The following FHIT variants were observed in gnomAD, a reference collection of about 807,000 sequenced individuals.
FHIT encodes the protein bis(5'-adenosyl)-triphosphatase.
FHIT carries 19 observed loss-of-function variants against 17.9 expected under a neutral mutation model. That is an observed-to-expected ratio of 1.06 (90% confidence interval 0.74 to 1.56). FHIT has a LOEUF of 1.56. Among genes scored for constraint, FHIT ranks in the 40% most tolerant of loss-of-function variants. The probability of loss-of-function intolerance (pLI) is 0.00; values close to 1 mark genes in which losing one functional copy is unlikely to be tolerated. For missense variants in FHIT, 248 were observed against 189.2 expected (o/e 1.31, Z -1.82); for synonymous variants, 81 against 69.7 (o/e 1.16, Z -0.81).
chr3:60,880,698 T>C (rs1839066), intron 3 of FHIT, among the ~76,000 whole-genome samples: 148,617 of 152,326 alleles, frequency 0.98, 72,604 homozygotes, highest in East Asian at 1. Flanking sequence ...TGCCATTGCA[T>C]TCCAGCCTGG....
intron 8 of FHIT, among the ~76,000 whole-genome samples, chr3:59,826,800 C>G (rs904649885): frequency 1.4e-4 from 21 of 152,246 alleles, no homozygotes; most frequent in African/African-American, 5.1e-4. Flanking sequence ...TTCCAAATTC[C>G]TCATATGGCT....
intron 4 of FHIT, among the ~76,000 whole-genome samples, chr3:60,661,375 C>T (rs782006295): frequency 6.6e-6 from 1 of 152,116 alleles, no homozygotes; most frequent in Non-Finnish European, 1.5e-5. Flanking sequence ...CTGTGAATAT[C>T]ATTATTTCAT....
At chr3:60,451,768 C>T (rs2031762254) in intron 5 of FHIT, among the ~76,000 whole-genome samples, 1 of 152,096 alleles carries the variant, frequency 6.6e-6, no homozygotes, top group African/African-American at 2.4e-5. Context: ...CCAAACTGAG[C>T]ATGACCCCAT....
intron 5 of FHIT, among the ~76,000 whole-genome samples, chr3:60,482,363 A>G (rs781771027): frequency 6.6e-6 from 1 of 152,152 alleles, no homozygotes; most frequent in Non-Finnish European, 1.5e-5. Flanking sequence ...CCCTACCCCA[A>G]CGCAACAGAA....
intron 8 of FHIT, among the ~76,000 whole-genome samples, chr3:59,908,853 T>TTTTTTTTTTTTTTTTTTTTGAGACGG (rs1271629999): frequency 6.0e-5 from 9 of 150,708 alleles, no homozygotes; most frequent in African/African-American, 9.7e-5. Flanking sequence ...CATTTTTTAA[T>TTTTTTTTTTTTTTTTTTTTGAGACGG]AGTCCAACTG....
chr3:61,106,375 G>A (rs887651053), intron 2 of FHIT, among the ~76,000 whole-genome samples: 6 of 152,122 alleles, frequency 3.9e-5, no homozygotes, highest in East Asian at 1.9e-4. Flanking sequence ...ATTATTAACT[G>A]TAGTTACCAT....
rs564228947 is a variant in FHIT at position 60,589,468 on chromosome 3, G to A, written c.-17-52489C>T. ...TCCACAGTACATACACATTTACATC[G>A]TTCTTTTGAACATCATCACAGTCCA... On this transcript the variant is annotated intron_variant, in intron 4 of 9. Coordinates refer to ENST00000492590, the MANE Select transcript of FHIT (RefSeq NM_002012.4). 2.4e-4 allele frequency among the ~76,000 whole-genome samples: 37 copies of A among 152,068 alleles called. 2 individuals carry two copies. In the South Asian group the frequency reaches 6.2e-3, roughly 26 times the overall value.
chr3:60,618,773 G>C (rs75384128), intron 4 of FHIT, among the ~76,000 whole-genome samples: 1,858 of 152,258 alleles, frequency 0.012, 48 homozygotes, highest in African/African-American at 0.043. Context: ...AATGCTAAGG[G>C]TCCTTAAAAG....
intron 5 of FHIT, among the ~76,000 whole-genome samples, chr3:60,512,107 A>ATTTATAAT (rs2034972421): frequency 6.6e-6 from 1 of 152,232 alleles, no homozygotes; most frequent in Non-Finnish European, 1.5e-5. Context: ...GACTCAAGCC[A>ATTTATAAT]GAATCACCAA....
chr3:59,818,528 T>C (rs1038692875), intron 8 of FHIT, among the ~76,000 whole-genome samples: 1 of 84,126 alleles, frequency 1.2e-5, no homozygotes, highest in Non-Finnish European at 3.2e-5. Context: ...GGAGGTAAAA[T>C]GTGATCTACA....
chr3:61,054,627 G>A (rs2034150265), intron 2 of FHIT, among the ~76,000 whole-genome samples: 1 of 152,126 alleles, frequency 6.6e-6, no homozygotes, highest in Non-Finnish European at 1.5e-5. Context: ...CTACTAGAGA[G>A]GTTCTGTATA....
chr3:61,031,846 C>A (rs1438474663), intron 3 of FHIT, among the ~76,000 whole-genome samples: 1 of 152,198 alleles, frequency 6.6e-6, no homozygotes, highest in East Asian at 1.9e-4. Context: ...CCCTGAGGAC[C>A]ACCACCAACT....
At chr3:59,951,401 C>T (rs1304606443) in intron 7 of FHIT, among the ~76,000 whole-genome samples, 1 of 152,182 alleles carries the variant, frequency 6.6e-6, no homozygotes, top group Non-Finnish European at 1.5e-5. Context: ...ATGGCCACGG[C>T]CACTACGCCC....
At chr3:60,606,244 A>ATT (rs554313411) in intron 4 of FHIT, among the ~76,000 whole-genome samples, 51 of 142,430 alleles carry the variant, frequency 3.6e-4, no homozygotes, top group South Asian at 2.2e-3. Context: ...TTGTAATAGC[A>ATT]TTTTTTTTTT....
intron 5 of FHIT, among the ~76,000 whole-genome samples, chr3:60,432,025 G>A (rs73096281): frequency 0.1 from 15,225 of 152,120 alleles, 1,250 homozygotes; most frequent in East Asian, 0.38. Flanking sequence ...ACCCAGGCTA[G>A]AGTGCAGTAG....
At chr3:61,009,283 T>A (rs1336167880) in intron 3 of FHIT, among the ~76,000 whole-genome samples, 1 of 152,176 alleles carries the variant, frequency 6.6e-6, no homozygotes, top group East Asian at 1.9e-4. Flanking sequence ...GGCCACGTGA[T>A]ATATGTTCTG....
At chr3:60,049,750 T>C (rs549883954) in intron 5 of FHIT, among the ~76,000 whole-genome samples, 1 of 152,314 alleles carries the variant, frequency 6.6e-6, no homozygotes, top group African/African-American at 2.4e-5. Flanking sequence ...AATCTTTAAA[T>C]TACACATGTG....
intron 8 of FHIT, among the ~76,000 whole-genome samples, chr3:59,859,047 A>G (rs1702296157): frequency 6.6e-6 from 1 of 152,314 alleles, no homozygotes; most frequent in South Asian, 2.1e-4. Context: ...AAATCATTCT[A>G]CACGGACAGG....
At chr3:60,117,344 G>T (rs1276621852) in intron 5 of FHIT, among the ~76,000 whole-genome samples, 1 of 152,074 alleles carries the variant, frequency 6.6e-6, no homozygotes, top group Non-Finnish European at 1.5e-5. Context: ...AGTTCAAATT[G>T]CCTTTTCCCA....
Sources: gnomAD v4.1 joint callset for allele counts (sites outside exome capture counted in the v4.1 genomes callset) on GRCh38, gnomAD v4.1.1 for gene constraint, MANE v1.5 for transcripts, NCBI Gene and HGNC (gene_info 2026-07-23, HGNC 2026-07-21) for gene names.